TOR2A: variants seen among roughly 807,000 people sequenced by gnomAD.
The protein encoded by TOR2A is prosalusin.
TOR2A carries 24 observed loss-of-function variants against 28.6 expected under a neutral mutation model. The ratio of observed to expected loss-of-function variants is 0.84; its 90% CI spans 0.61 to 1.18. The LOEUF (loss-of-function observed/expected upper bound fraction) is 1.18. Ranked by LOEUF, TOR2A falls within the 50% of genes most tolerant of loss-of-function variation. The pLI, the probability that TOR2A is intolerant of heterozygous loss-of-function variation, is 0.00. For missense variants in TOR2A, 426 were observed against 448.1 expected (o/e 0.95, Z 0.45); for synonymous variants, 203 against 203.1 (o/e 1.00, Z 0.00).
chr9:127,732,434 A>G (rs1844478894), intron 4 of TOR2A, 130 bp downstream of exon 4: 3 of 1,447,222 alleles, frequency 2.1e-6, no homozygotes, highest in Non-Finnish European at 2.7e-6. Context: ...ACCCAAAGTC[A>G]CAAAGCTGGG....
rs761069874 is a variant in TOR2A at position 127,734,495 on chromosome 9, A to T, written c.221T>A (p.Leu74Gln). Residue 74 changes from leucine to glutamine, a missense_variant, in exon 2 of 5, where the codon CTG (leucine) becomes CAG (glutamine). Leu to Gln is a moderately radical substitution (Grantham distance 113). Coordinates refer to ENST00000373284, the MANE Select transcript of TOR2A (RefSeq NM_001085347.3). ...HLAKALVVKA[L>Q]KAFVRDPAPT... Reference sequence around the variant, plus strand: ...GGCTGGGTCCCGCACAAAGGCCTTCAGCGCCTTCACCACCAGCGCCTTGGC... The same window carrying T: ...GGCTGGGTCCCGCACAAAGGCCTTCTGCGCCTTCACCACCAGCGCCTTGGC... 9 of 1,578,624 alleles carry T rather than the reference A, an allele frequency of 5.7e-6. 1 individual carries two copies. In the South Asian group the frequency reaches 8.0e-5, roughly 14 times the overall value.
chr9:127,734,175 C>G, intron 2 of TOR2A, 124 bp downstream of exon 2: 1 of 1,325,138 alleles, frequency 7.5e-7, no homozygotes, highest in Non-Finnish European at 1.0e-6. Flanking sequence ...AGGATGGGTC[C>G]TGAGGGCTGG....
intron 4 of TOR2A, 66 bp from the exon 5 acceptor site, chr9:127,732,344 C>A: frequency 6.6e-7 from 1 of 1,511,682 alleles, no homozygotes; most frequent in Non-Finnish European, 8.8e-7. Flanking sequence ...GGCCCCAAAC[C>A]CCCAGGGGCA....
At position 127,735,164 on chromosome 9, in the gene TOR2A, G is replaced by A; in HGVS notation, c.107C>T (p.Thr36Ile). 2 of 1,487,850 alleles carry A rather than the reference G, an allele frequency of 1.3e-6. No individual in the cohort carries two copies. Among genetic ancestry groups the A allele is most frequent in the Middle Eastern group, 2.2e-4 (1 of 4,630 alleles). 92.2% of individuals were successfully genotyped at this position (1,487,850 alleles called of 1,614,324 possible). The stretch of plus-strand genomic sequence containing the variant: ...GTCGCATTCGCAAAAGGCGCCCAAG[G>A]TGCAGCGCAGGGAAGCCAGGTCCCA... Reference protein sequence around the residue: ...AAWDLASLRCTLGAFCECDFR... With the variant: ...AAWDLASLRCILGAFCECDFR... Residue 36 changes from threonine (T) to isoleucine (I), a missense_variant, in exon 1 of 5, where the codon ACC becomes ATC. By Grantham distance (89) the Thr-to-Ile change is moderately conservative. Transcript: ENST00000373284.
Position 127,734,316 on chromosome 9 carries a change from G to T in TOR2A, c.400C>A (p.His134Asn), listed in dbSNP as rs1320616808. Residue 134 changes from histidine to asparagine, a missense_variant, in exon 2 of 5, where the codon CAC becomes AAC. Coordinates refer to ENST00000373284, the MANE Select transcript of TOR2A (RefSeq NM_001085347.3). ...CAGCCTACCTTGTAGCGCTCGATGT[G>T]GCTGGGGTGGGGGAAGTGGAGGACG... ...SPVLHFPHPS[H>N]IERYKKDLKS... is the part of the protein sequence containing the mutation. 1.2e-6 allele frequency: 2 copies of T among 1,600,172 alleles called. No homozygotes were observed. Among genetic ancestry groups the T allele is most frequent in the Non-Finnish European group, 1.7e-6 (2 of 1,172,724 alleles).
chr9:127,733,286 T>C, intron 3 of TOR2A, 99 bp downstream of exon 3: 1 of 1,613,250 alleles, frequency 6.2e-7, no homozygotes, highest in Non-Finnish European at 8.5e-7. Context: ...GCTAAGCCCA[T>C]GGGGAACTGG....
intron 3 of TOR2A, 36 bp from the exon 4 acceptor site, chr9:127,732,727 G>A: frequency 6.4e-7 from 1 of 1,550,852 alleles, no homozygotes; most frequent in Non-Finnish European, 8.7e-7. Flanking sequence ...AGACTCAGAT[G>A]AGGACTAGCG....
Position 127,734,301 on chromosome 9 carries a change from T to C in TOR2A, c.415A>G (p.Lys139Glu). 6.3e-7 allele frequency: 1 copy of C among 1,590,240 alleles called. No homozygotes were observed. Among genetic ancestry groups the C allele is most frequent in the Non-Finnish European group, 8.6e-7 (1 of 1,167,422 alleles). ...FPHPSHIERY[K>E]KDLKSWVQGN... ...GGTCAAGGACGCATCCAGCCTACCT[T>C]GTAGCGCTCGATGTGGCTGGGGTGG... The change falls in exon 2 of 5, where the codon AAG (lysine) becomes GAG (glutamate). Residue 139 changes from lysine to glutamate, a missense_variant and splice_region_variant. Physicochemically the swap from Lys to Glu is moderately conservative, Grantham distance 56. Coordinates refer to ENST00000373284, the MANE Select transcript of TOR2A (RefSeq NM_001085347.3).
Position 127,732,284 on chromosome 9 carries a change from G to A in TOR2A, c.722-6C>T. ...GCCCGAGTTTGAGAAGCCATCTGCA[G>A]GAAGGGTAGGTGGGGAGGGGACTTT... On this transcript the variant is annotated splice_polypyrimidine_tract_variant and splice_region_variant and intron_variant, in intron 4 of 4. Coordinates refer to ENST00000373284, the MANE Select transcript of TOR2A (RefSeq NM_001085347.3). 1 of 1,570,518 alleles carries A rather than the reference G, an allele frequency of 6.4e-7. No individual in the cohort carries two copies. Among genetic ancestry groups the A allele is most frequent in the Non-Finnish European group, 8.7e-7 (1 of 1,154,142 alleles).
Position 127,735,292 on chromosome 9 carries a change from T to A in TOR2A, c.-22A>T. 1 of 1,365,454 alleles carries A rather than the reference T, an allele frequency of 7.3e-7. No individual in the cohort carries two copies. The highest frequency in any genetic ancestry group is 1.7e-5 in the South Asian group (1 of 58,518). The allele number at this position is 1,365,454 out of a possible 1,614,324, so 84.6% of individuals were successfully genotyped here. On this transcript the variant is annotated 5_prime_UTR_variant, in exon 1 of 5. Coordinates refer to ENST00000373284, the MANE Select transcript of TOR2A (RefSeq NM_001085347.3). ...CCATCCGGGTGAGGCCCGAGCTCGT[T>A]GTGGGGCAGTCAACTGCCTCGCCCG...
Position 127,734,527 on chromosome 9 carries a change from C to T in TOR2A, c.189G>A (p.Gln63=). 1 of 1,537,250 alleles carries T rather than the reference C, an allele frequency of 6.5e-7. No individual in the cohort carries two copies. The highest frequency in any genetic ancestry group is 8.8e-7 in the Non-Finnish European group (1 of 1,141,524). ...ECDLAQHLAG[Q]HLAKALVVKA... is the part of the protein sequence containing the mutation. ...TCACCACCAGCGCCTTGGCCAGATG[C>T]TGGCCGGCCAGGTGCTGAGCCAGGT... The change falls in exon 2 of 5, where the codon CAG becomes CAA. Residue 63 remains glutamine, a synonymous_variant. Coordinates refer to ENST00000373284, the MANE Select transcript of TOR2A (RefSeq NM_001085347.3).
chr9:127,734,620 GAAC>G, intron 1 of TOR2A, 56 bp from the exon 2 acceptor site: 2 of 1,431,466 alleles, frequency 1.4e-6, no homozygotes, highest in Non-Finnish European at 1.8e-6. Context: ...GGTTCAAGGA[GAAC>G]ATCATGTCTG....
At position 127,731,875 on chromosome 9, in the gene TOR2A, G is replaced by A. The variant is rs1844441120; in HGVS notation, c.*159C>T. On this transcript the variant is annotated 3_prime_UTR_variant, in exon 5 of 5. Coordinates refer to ENST00000373284, the MANE Select transcript of TOR2A (RefSeq NM_001085347.3). Reference sequence around the variant, plus strand: ...AGGTGGCCGGGGCCAAGATGCTCTCGAGCCAGTTTAGAGGCCAGGGCCCTT... The same window carrying A: ...AGGTGGCCGGGGCCAAGATGCTCTCAAGCCAGTTTAGAGGCCAGGGCCCTT... 1.4e-6 allele frequency: 2 copies of A among 1,424,714 alleles called. No homozygotes were observed. The highest frequency in any genetic ancestry group is 1.9e-6 in the Non-Finnish European group (2 of 1,077,040). 88.3% of individuals were successfully genotyped at this position (1,424,714 alleles called of 1,614,324 possible). A position where few individuals can be genotyped will look rare whatever the true frequency, so the allele number is the denominator to read the frequency against.
rs760945564 is a variant in TOR2A, at chr9:127,733,394, A to G, written c.584T>C (p.Ile195Thr). The change falls in exon 3 of 5, where the codon ATC (isoleucine) becomes ACC (threonine). Residue 195 changes from isoleucine (I) to threonine (T), a missense_variant. Coordinates refer to ENST00000373284, the MANE Select transcript of TOR2A (RefSeq NM_001085347.3). ...YGTNYRKAIF[I>T]FISNTGGKQI... ...CAAAGCCGGGCCCCACCTGATGAAG[A>G]TGAAGATGGCTTTGCGGTAATTGGT... 3.1e-5 allele frequency: 50 copies of G among 1,613,760 alleles called. No individual in the cohort carries two copies. Among genetic ancestry groups the G allele is most frequent in the Non-Finnish European group, 4.1e-5 (48 of 1,180,032 alleles).
chr9:127,733,222 A>C, intron 3 of TOR2A, 163 bp downstream of exon 3: 4 of 1,602,912 alleles, frequency 2.5e-6, no homozygotes, highest in Non-Finnish European at 3.4e-6. Context: ...GAAATCAACC[A>C]GGCGGAATGA....
intron 3 of TOR2A, chr9:127,733,170 T>A (rs760304350): frequency 6.4e-7 from 1 of 1,561,316 alleles, no homozygotes; most frequent in South Asian, 1.2e-5. Flanking sequence ...GAAGTGGCGA[T>A]CAAAAAGACT....
In TOR2A at chr9:127,732,178, G is replaced by A. The variant is rs752866331; in HGVS notation, c.822C>T (p.Asn274=). 1.4e-5 allele frequency: 23 copies of A among 1,613,364 alleles called. No individual in the cohort carries two copies. Among genetic ancestry groups the A allele is most frequent in the Admixed American group, 1.2e-4 (7 of 60,018 alleles). The part of the protein sequence containing the change: ...QRHHVRHCVL[N]ELAQLGLEPR... ...GCTCCAGGCCCAGCTGGGCCAGCTC[G>A]TTGAGCACGCAGTGCCGGACGTGGT... Residue 274 remains asparagine (N), a synonymous_variant, in exon 5 of 5, where the codon AAC becomes AAT. Transcript: ENST00000373284.
intron 1 of TOR2A, 143 bp from the exon 2 acceptor site, chr9:127,734,707 T>C (rs1844614006): frequency 1.9e-6 from 2 of 1,063,428 alleles, no homozygotes; most frequent in East Asian, 3.2e-5. Context: ...AACCTTGGGG[T>C]CTGTGGCGGA....
rs538263221 is a variant in TOR2A, at chr9:127,732,007, G to T, written c.*27C>A. 2 of 1,599,050 alleles carry T rather than the reference G, an allele frequency of 1.3e-6. No homozygotes were observed. Among genetic ancestry groups the T allele is most frequent in the Admixed American group, 1.7e-5 (1 of 58,838 alleles). Reference sequence around the variant, plus strand: ...CCTTTCCTGCATGGCCTGGCCATCAGGGGGGCCGAGGACACCACTCAGAGA... The same window carrying T: ...CCTTTCCTGCATGGCCTGGCCATCATGGGGGCCGAGGACACCACTCAGAGA... On this transcript the variant is annotated 3_prime_UTR_variant, in exon 5 of 5. Transcript: ENST00000373284.
Sources: gnomAD v4.1 joint callset for allele counts on GRCh38, gnomAD v4.1.1 for gene constraint, MANE v1.5 for transcripts, NCBI Gene and HGNC (gene_info 2026-07-23, HGNC 2026-07-21) for gene names.